Variants in ANGEL1 observed in about 807,000 individuals in gnomAD.
ANGEL1 encodes RNA 2',3'-cyclic phosphatase ANGEL1.
A neutral mutation model predicts 76.4 loss-of-function variants in ANGEL1; 62 were observed. The ratio of observed to expected loss-of-function variants is 0.81; its 90% CI spans 0.66 to 1.00. ANGEL1 has a LOEUF of 1.00. Among genes scored for constraint, ANGEL1 ranks in the 50% least tolerant of loss-of-function variants. ANGEL1 has a pLI of 0.00. For missense variants in ANGEL1, 737 were observed against 836.7 expected, an observed-to-expected ratio of 0.88 and a Z score of 1.47; for synonymous variants, 340 against 331.7, an observed-to-expected ratio of 1.03 and a Z score of -0.27.
At position 76,812,770 on chromosome 14, in the gene ANGEL1, G is replaced by C; in HGVS notation, c.58C>G (p.Leu20Val). ...LLPATRLFRA[L>V]SDAFFTCRKN... is the part of the protein sequence containing the mutation. The stretch of plus-strand genomic sequence containing the variant: ...CGGTACGCCTGGCCGGTACCTGAGA[G>C]GGCGCGGAAGAGGCGCGTGGCCGGC... The change falls in exon 1 of 10, where the codon CTC (leucine) becomes GTC (valine). Residue 20 changes from leucine to valine, a missense_variant. Leu to Val is a conservative substitution (Grantham distance 32). Coordinates refer to ENST00000251089, the MANE Select transcript of ANGEL1 (RefSeq NM_015305.4). 6.6e-7 allele frequency: 1 copy of C among 1,522,286 alleles called. No homozygotes were observed. Among genetic ancestry groups the C allele is most frequent in the Non-Finnish European group, 8.8e-7 (1 of 1,139,820 alleles). The allele number at this position is 1,522,286 out of a possible 1,614,324, so 94.3% of individuals were successfully genotyped here. A position where few individuals can be genotyped will look rare whatever the true frequency, so the allele number is the denominator to read the frequency against.
In ANGEL1 at chr14:76,812,861, T is replaced by G. The variant is rs1266184575; in HGVS notation, c.-34A>C. On this transcript the variant is annotated 5_prime_UTR_variant, in exon 1 of 10. Coordinates refer to ENST00000251089, the MANE Select transcript of ANGEL1 (RefSeq NM_015305.4). ...GCCCGCGCCCGCCTCCGCTCCTCAC[T>G]GCAGCCAGCAGGTCCTCCCTCAGCT... 6.7e-6 allele frequency: 10 copies of G among 1,490,158 alleles called. No homozygotes were observed. The East Asian group carries it at 2.4e-4, about 36-fold the overall frequency. The allele number at this position is 1,490,158 out of a possible 1,614,324, so 92.3% of individuals were successfully genotyped here. A position where few individuals can be genotyped will look rare whatever the true frequency, so the allele number is the denominator to read the frequency against.
chr14:76,809,415 G>A lies in ANGEL1; in HGVS notation c.293C>T (p.Pro98Leu). Residue 98 changes from proline to leucine, a missense_variant, in exon 2 of 10, where the codon CCT becomes CTT. Around this residue, in one of 2 missense-constraint regions of ANGEL1, gnomAD observed 441 missense variants for 449.5 expected, o/e 0.98. Transcript: ENST00000251089. ...CTCTGAAGCAGCATTCTCTTCTCCA[G>A]GATTATCCATCAGAAGTGCCAGGCT... is the stretch of plus-strand genomic sequence containing the variant. ...QSSLALLMDN[P>L]GEENAASEDR... The A allele has an allele frequency of 6.2e-7, 1 of 1,614,234 alleles. No individual in the cohort carries two copies. The highest frequency in any genetic ancestry group is 1.7e-5 in the Admixed American group (1 of 60,036).
At chr14:76,808,920 A>G (rs1895001511) in intron 2 of ANGEL1, 139 bp downstream of exon 2, 1 of 810,524 alleles carries the variant, frequency 1.2e-6, no homozygotes, top group South Asian at 1.9e-5. Context: ...GACCCTCTAG[A>G]TCTGACATGC....
intron 9 of ANGEL1, among the ~76,000 whole-genome samples, chr14:76,789,861 AT>A (rs771023614): frequency 0.047 from 2,728 of 58,594 alleles, 40 homozygotes; most frequent in African/African-American, 0.062. Context: ...TGCCTGGCTA[AT>A]TTTTTTTTTT....
At position 76,807,454 on chromosome 14, in the gene ANGEL1, C is replaced by T; in HGVS notation, c.925G>A (p.Glu309Lys). The change falls in exon 4 of 10, where the codon GAA becomes AAA. Residue 309 changes from glutamate (E) to lysine (K), a missense_variant. Coordinates refer to ENST00000251089, the MANE Select transcript of ANGEL1 (RefSeq NM_015305.4). ...TTACCCATCATTCGCAGAGAGGGTT[C>T]CAGCTGCTCCCAGTAATGATCTTCC... ...VQEDHYWEQL[E>K]PSLRMMGFTC... 1.2e-6 allele frequency: 2 copies of T among 1,613,048 alleles called. No individual in the cohort carries two copies. The highest frequency in any genetic ancestry group is 1.7e-6 in the Non-Finnish European group (2 of 1,179,610).
intron 3 of ANGEL1, among the ~76,000 whole-genome samples, 162 bp from the exon 4 acceptor site, chr14:76,807,664 A>T (rs1428986769): frequency 1.3e-5 from 2 of 152,230 alleles, no homozygotes; most frequent in Non-Finnish European, 2.9e-5. Flanking sequence ...TGAAGAGATT[A>T]GAGATGTGCA....
At chr14:76,804,442 GAAACATTCGGC>G in intron 5 of ANGEL1, 1 of 993,666 alleles carries the variant, frequency 1.0e-6, no homozygotes, top group Non-Finnish European at 1.2e-6. Flanking sequence ...CGTAGTAGGG[GAAACATTCGGC>G]AACATCAGTC....
At chr14:76,809,021 C>G (rs371790232) in intron 2 of ANGEL1, 38 bp downstream of exon 2, 1 of 1,567,266 alleles carries the variant, frequency 6.4e-7, no homozygotes, top group East Asian at 2.3e-5. Context: ...CTGAGACACC[C>G]TGTTCCCTTG....
Position 76,807,913 on chromosome 14 carries a change from T to C in ANGEL1, c.876+9A>G. On this transcript the variant is annotated intron_variant, in intron 3 of 9. Transcript: ENST00000251089. The stretch of plus-strand genomic sequence containing the variant: ...CAATGCAAGATGGCAATTCCCCCTC[T>C]TCACTCACATCAGGGTCCCAGTGCT... 1 of 1,613,438 alleles carries C rather than the reference T, an allele frequency of 6.2e-7. No individual in the cohort carries two copies. Among genetic ancestry groups the C allele is most frequent in the South Asian group, 1.1e-5 (1 of 91,046 alleles).
chr14:76,801,276 A>C (rs1894756507), intron 7 of ANGEL1, among the ~76,000 whole-genome samples: 1 of 151,576 alleles, frequency 6.6e-6, no homozygotes. Flanking sequence ...ATGCCTGGCT[A>C]ATTTTTTGAT....
chr14:76,807,209 A>G (rs1478912548), intron 4 of ANGEL1, among the ~76,000 whole-genome samples: 6 of 152,224 alleles, frequency 3.9e-5, no homozygotes, highest in African/African-American at 1.2e-4. Flanking sequence ...TAAAATGGGA[A>G]TAACAGTCTC....
intron 7 of ANGEL1, 142 bp downstream of exon 7, chr14:76,803,229 C>T: frequency 1.4e-6 from 1 of 702,218 alleles, no homozygotes; most frequent in South Asian, 2.1e-5. Flanking sequence ...CTGAACTCAA[C>T]TAACCTTCCT....
rs924950158 is a variant in ANGEL1 at position 76,788,681 on chromosome 14, C to T, written c.*547G>A. The T allele has an allele frequency of 1.3e-5, 2 of 153,264 alleles. No homozygotes were observed. Among genetic ancestry groups the T allele is most frequent in the African/African-American group, 2.4e-5 (1 of 41,456 alleles). The allele number at this position is 153,264 out of a possible 1,614,324, so 9.5% of individuals were successfully genotyped here. A position where few individuals can be genotyped will look rare whatever the true frequency, so the allele number is the denominator to read the frequency against. ...TCATACATAGGTACTTGGGTAGACT[C>T]TGAACCTGCCCCAGGCCTACAGCCC... On this transcript the variant is annotated 3_prime_UTR_variant, in exon 10 of 10. Transcript: ENST00000251089.
intron 9 of ANGEL1, among the ~76,000 whole-genome samples, chr14:76,789,960 G>C (rs1164040807): frequency 6.6e-6 from 1 of 151,506 alleles, no homozygotes; most frequent in African/African-American, 2.4e-5. Context: ...TGCCTCCCGA[G>C]TTCAAGCGAT....
Position 76,808,143 on chromosome 14 carries a change from A to G in ANGEL1, c.655T>C (p.Leu219=), listed in dbSNP as rs748260877. The change falls in exon 3 of 10, where the codon TTG becomes CTG. Residue 219 remains leucine (L), a synonymous_variant. Coordinates refer to ENST00000251089, the MANE Select transcript of ANGEL1 (RefSeq NM_015305.4). ...GAGAAATCCTCCCATTCTCGCCACA[A>G]AATTTCTGCAAAGGATTGGGAGAAG... ...PAVEIPYHEI[L]WREWEDFSTQ... is the part of the protein sequence containing the mutation. The G allele has an allele frequency of 1.7e-5, 28 of 1,613,334 alleles. No individual in the cohort carries two copies. In the East Asian group the frequency reaches 4.0e-4, roughly 23 times the overall value.
intron 5 of ANGEL1, chr14:76,804,135 G>T: frequency 6.9e-7 from 1 of 1,439,910 alleles, no homozygotes; most frequent in Non-Finnish European, 9.1e-7. Flanking sequence ...ACAGGAGGAG[G>T]GGTAAGAGAC....
chr14:76,805,205 C>T (rs919201249), intron 5 of ANGEL1, among the ~76,000 whole-genome samples: 1 of 152,078 alleles, frequency 6.6e-6, no homozygotes, highest in Non-Finnish European at 1.5e-5. Flanking sequence ...TTATATCCCC[C>T]ATCGTATAGA....
In ANGEL1 at chr14:76,803,885, G is replaced by A. The variant is rs751182514; in HGVS notation, c.1408C>T (p.Gln470Ter). 6.2e-7 allele frequency: 1 copy of A among 1,614,206 alleles called. No homozygotes were observed. Among genetic ancestry groups the A allele is most frequent in the Non-Finnish European group, 8.5e-7 (1 of 1,180,034 alleles). The change falls in exon 6 of 10, where the codon CAG (glutamine) becomes TAG (stop). Residue 470 changes from glutamine (Q) to a stop codon, truncating the protein, a stop_gained. Transcript: ENST00000251089. LOFTEE classifies it high-confidence loss of function. ...GCCTGCAGCTTCCTCTGGTAAAGCT[G>A]ATGGGAGAAGTCTTCCTGTCCAGAT... is the stretch of plus-strand genomic sequence containing the variant. The part of the protein sequence containing the change: ...KVSGQEDFSH[Q>*]LYQRKLQAPL...
chr14:76,806,761 A>G lies in ANGEL1; in HGVS notation c.1035T>C (p.Cys345=). ...GCCGGAAGTACTCCACAGGGCTAGCACAGAGCAGGCGGAATCTGGTAGGCT... is the reference window on the plus strand; with the variant it reads ...GCCGGAAGTACTCCACAGGGCTAGCGCAGAGCAGGCGGAATCTGGTAGGCT... The part of the protein sequence containing the change: ...CYKPTRFRLL[C]ASPVEYFRPG... The change falls in exon 5 of 10, where the codon TGT becomes TGC. Residue 345 remains cysteine, a synonymous_variant. Transcript: ENST00000251089. 6.2e-7 allele frequency: 1 copy of G among 1,614,220 alleles called. No individual in the cohort carries two copies. Among genetic ancestry groups the G allele is most frequent in the South Asian group, 1.1e-5 (1 of 91,088 alleles).
Sources: allele counts gnomAD v4.1 joint callset (sites outside exome capture counted in the v4.1 genomes callset), GRCh38; gene constraint gnomAD v4.1.1; regional missense constraint gnomAD v4.1.1; transcripts MANE v1.5; gene names NCBI Gene and HGNC (gene_info 2026-07-23, HGNC 2026-07-21).